Variants in E2F3 observed in about 807,000 individuals in gnomAD.
E2F3 encodes E2F transcription factor 3, also known as transcription factor E2F3.
Under a neutral mutation model 44.4 loss-of-function variants are expected in E2F3, and 11 were observed. That is an observed-to-expected ratio of 0.25 (90% CI 0.16 to 0.41). E2F3 has a LOEUF of 0.41. E2F3 is among the 10% of genes least tolerant of loss of function. The pLI is 1.00. For missense variants in E2F3, 487 were observed against 583.6 expected, an observed-to-expected ratio of 0.83 and a Z score of 1.70; for synonymous variants, 249 against 253.0, an observed-to-expected ratio of 0.98 and a Z score of 0.15.
chr6:20,438,039 C>G (rs1760650925), intron 1 of E2F3: 1 of 152,164 alleles, frequency 6.6e-6, no homozygotes, highest in African/African-American at 2.4e-5. Flanking sequence ...TAACTTTAGC[C>G]TTTAGCACAG....
intron 1 of E2F3, among the ~76,000 whole-genome samples, chr6:20,462,960 A>G (rs1281840636): frequency 8.4e-6 from 1 of 119,480 alleles, no homozygotes; most frequent in African/African-American, 3.2e-5. Flanking sequence ...CAATCCTTCC[A>G]CCTCAGCCCC....
intron 1 of E2F3, among the ~76,000 whole-genome samples, chr6:20,444,543 T>A (rs921710806): frequency 6.6e-6 from 1 of 152,216 alleles, no homozygotes; most frequent in Non-Finnish European, 1.5e-5. Context: ...TAGTCTTTTT[T>A]AGAAAGTCTA....
At chr6:20,413,208 A>G (rs1581570994) in intron 1 of E2F3, among the ~76,000 whole-genome samples, 2 of 152,332 alleles carry the variant, frequency 1.3e-5, no homozygotes, top group East Asian at 3.9e-4. Flanking sequence ...GAAATAATCC[A>G]GTGTTTTTCA....
chr6:20,433,697 G>A (rs1038240348), intron 1 of E2F3, among the ~76,000 whole-genome samples: 6 of 151,964 alleles, frequency 3.9e-5, no homozygotes, highest in South Asian at 2.1e-4. Flanking sequence ...ATTTTGAATA[G>A]CTATATTTCA....
At chr6:20,460,039 T>C (rs6456353) in intron 1 of E2F3, among the ~76,000 whole-genome samples, 135,357 of 152,198 alleles carry the variant, frequency 0.89, 60,321 homozygotes, top group East Asian at 0.94. Context: ...CATTGCTCAC[T>C]TCTTTTCTCT....
intron 1 of E2F3, among the ~76,000 whole-genome samples, chr6:20,456,602 T>TA (rs1313421669): frequency 2.0e-5 from 3 of 151,664 alleles, no homozygotes; most frequent in African/African-American, 4.8e-5. Context: ...TAGATTTTGT[T>TA]AAAAAAAAAT....
chr6:20,415,430 G>A (rs1008167419), intron 1 of E2F3, among the ~76,000 whole-genome samples: 1 of 152,140 alleles, frequency 6.6e-6, no homozygotes, highest in African/African-American at 2.4e-5. Context: ...AACAGTGGTG[G>A]AGGGCTGTCC....
chr6:20,454,473 G>A (rs1761243694), intron 1 of E2F3, among the ~76,000 whole-genome samples: 1 of 152,168 alleles, frequency 6.6e-6, no homozygotes, highest in Admixed American at 6.5e-5. Context: ...TTTAAAGGTG[G>A]TATTCTTAGA....
intron 1 of E2F3, among the ~76,000 whole-genome samples, chr6:20,479,451 C>T (rs901564368): frequency 1.3e-5 from 2 of 152,168 alleles, no homozygotes; most frequent in African/African-American, 4.8e-5. Flanking sequence ...CAACCCAGGT[C>T]GGAGAATGGG....
In E2F3 at chr6:20,482,762, G is replaced by A; in HGVS notation, c.726G>A (p.Met242Ile). The change falls in exon 4 of 7, where the codon ATG (methionine) becomes ATA (isoleucine). Residue 242 changes from methionine to isoleucine, a missense_variant and splice_region_variant. Physicochemically the swap from Met to Ile is conservative, Grantham distance 10. Transcript: ENST00000346618. ...KKKSKNNVQWMGCSLSEDGGM... is the reference protein window; with the variant it reads ...KKKSKNNVQWIGCSLSEDGGM... ...GAAGAGTCTGTGTTTGGGTTTCTAG[G>A]GGCTGCAGTCTGTCTGAGGATGGGG... 6.2e-7 allele frequency: 1 copy of A among 1,601,284 alleles called. No homozygotes were observed. Among genetic ancestry groups the A allele is most frequent in the Non-Finnish European group, 8.5e-7 (1 of 1,173,890 alleles).
rs758202295 is a variant in E2F3, at chr6:20,402,327, C to G, written c.95C>G (p.Ser32Cys). The G allele has an allele frequency of 3.8e-5, 62 of 1,610,682 alleles. No homozygotes were observed. The African/African-American group carries it at 6.7e-4, about 17-fold the overall frequency. ...AAVVAAAAAA[S>C]MDKRALLASP... ...GTCGTCGCCGCCGCCGCTGCAGCCT[C>G]CATGGACAAAAGGGCACTGCTAGCC... The change falls in exon 1 of 7, where the codon TCC becomes TGC. Residue 32 changes from serine to cysteine, a missense_variant. Ser to Cys is a moderately radical substitution (Grantham distance 112). Around this residue, in one of 3 missense-constraint regions of E2F3, gnomAD observed 238 missense variants for 236.0 expected, o/e 1.01. Coordinates refer to ENST00000346618, the MANE Select transcript of E2F3 (RefSeq NM_001949.5). This position sits in a 1 kb window ranked among gnomAD's most constrained non-coding sequence, Gnocchi z 5.6.
At chr6:20,416,939 C>T (rs919350690) in intron 1 of E2F3, among the ~76,000 whole-genome samples, 2 of 152,156 alleles carry the variant, frequency 1.3e-5, no homozygotes, top group Non-Finnish European at 2.9e-5. Flanking sequence ...CCTCCTAAGT[C>T]ACCACAGCAC....
intron 4 of E2F3, among the ~76,000 whole-genome samples, chr6:20,483,550 T>TC (rs2127623355): frequency 6.6e-6 from 1 of 152,308 alleles, no homozygotes; most frequent in African/African-American, 2.4e-5. Context: ...ATTCCTCTGT[T>TC]CCACTACAAA....
chr6:20,454,780 G>A (rs1027650834), intron 1 of E2F3, among the ~76,000 whole-genome samples: 4 of 152,094 alleles, frequency 2.6e-5, no homozygotes, highest in Non-Finnish European at 4.4e-5. Context: ...TGTTAGCCAC[G>A]CCATAATGGT....
At position 20,402,593 on chromosome 6, in the gene E2F3, C is replaced by T. The variant is rs1561843007; in HGVS notation, c.361C>T (p.Arg121Cys). The T allele has an allele frequency of 6.5e-6, 9 of 1,381,280 alleles. No homozygotes were observed. The African/African-American group carries it at 7.6e-5, about 12-fold the overall frequency. The allele number at this position is 1,381,280 out of a possible 1,614,324, so 85.6% of individuals were successfully genotyped here. The change falls in exon 1 of 7, where the codon CGC becomes TGC. Residue 121 changes from arginine (R) to cysteine (C), a missense_variant. Around this residue, in one of 3 missense-constraint regions of E2F3, gnomAD observed 238 missense variants for 236.0 expected, o/e 1.01. Transcript: ENST00000346618. The surrounding 1 kb of genome is among the most constrained non-coding windows in gnomAD (Gnocchi z 5.6). ...GLLQQPPALG[R>C]GGSGGGGGPP... is the part of the protein sequence containing the mutation. ...GCTGCAGCAGCCACCAGCGCTGGGA[C>T]GCGGCGGCAGCGGCGGCGGCGGCGG...
rs541979067 is a variant in E2F3 at position 20,470,197 on chromosome 6, C to T, written c.394-9649C>T. On this transcript the variant is annotated intron_variant, in intron 1 of 6. Coordinates refer to ENST00000346618, the MANE Select transcript of E2F3 (RefSeq NM_001949.5). The stretch of plus-strand genomic sequence containing the variant: ...AATCTCTCCAGACCTCTACCCACTT[C>T]TCCATGCACCCCTCTTCATGCCCTC... Among the ~76,000 whole-genome samples, 5 of 152,356 alleles carry T rather than the reference C, an allele frequency of 3.3e-5. No homozygotes were observed. In the South Asian group the frequency reaches 1.0e-3, roughly 32 times the overall value.
At chr6:20,429,709 T>A (rs540539568) in intron 1 of E2F3, among the ~76,000 whole-genome samples, 3 of 151,814 alleles carry the variant, frequency 2.0e-5, no homozygotes, top group Non-Finnish European at 2.9e-5. Flanking sequence ...CCAACCACTT[T>A]CTTGTGTGTT....
At chr6:20,468,704 C>T (rs1013027957) in intron 1 of E2F3, among the ~76,000 whole-genome samples, 1 of 152,160 alleles carries the variant, frequency 6.6e-6, no homozygotes, top group Non-Finnish European at 1.5e-5. Flanking sequence ...TTTCCAGTGA[C>T]CATTGTCCAT....
intron 1 of E2F3, among the ~76,000 whole-genome samples, chr6:20,405,053 C>T (rs1180796078): frequency 6.6e-6 from 1 of 152,150 alleles, no homozygotes; most frequent in African/African-American, 2.4e-5. Context: ...AAAATTTTAA[C>T]AGTGTTTGTT....
Sources: gnomAD v4.1 joint callset for allele counts (sites outside exome capture counted in the v4.1 genomes callset) on GRCh38, gnomAD v4.1.1 for gene constraint, gnomAD v4.1.1 regional missense constraint, Gnocchi (gnomAD v3.1) non-coding constraint, MANE v1.5 for transcripts, NCBI Gene and HGNC (gene_info 2026-07-23, HGNC 2026-07-21) for gene names.